MYO18A: variants seen among roughly 807,000 people sequenced by gnomAD.
MYO18A encodes myosin XVIIIA, also known as unconventional myosin-XVIIIa.
MYO18A carries 78 observed loss-of-function variants against 235.8 expected under a neutral mutation model. The observed-to-expected ratio is 0.33, with a 90% confidence interval of 0.28 to 0.40. The LOEUF (loss-of-function observed/expected upper bound fraction) is 0.40. Ranked by LOEUF, MYO18A falls within the 10% of genes least tolerant of loss-of-function variation. The pLI is 1.00. For missense variants in MYO18A, 2,215 were observed against 2,699.3 expected (o/e 0.82, Z 3.98); for synonymous variants, 977 against 1,077.8 (o/e 0.91, Z 1.83).
chr17:29,122,089 A>G lies in MYO18A; in HGVS notation c.1087+77T>C, dbSNP rs1344034180. 4 of 1,532,106 alleles carry G rather than the reference A, an allele frequency of 2.6e-6. No homozygotes were observed. In the African/African-American group the frequency reaches 4.1e-5, roughly 16 times the overall value. 94.9% of individuals were successfully genotyped at this position (1,532,106 alleles called of 1,614,324 possible). On this transcript the variant is annotated intron_variant, in intron 3 of 41. Transcript: ENST00000527372. ...TTGCTCACTGCTCAGCCCTCACCAG[A>G]TGCAGAAGGCACATTCGCTGCCCAG...
Position 29,094,059 on chromosome 17 carries a change from C to T in MYO18A, c.4742G>A (p.Arg1581Gln), listed in dbSNP as rs564026997. 12 of 1,611,386 alleles carry T rather than the reference C, an allele frequency of 7.4e-6. No homozygotes were observed. Among genetic ancestry groups the T allele is most frequent in the African/African-American group, 1.3e-5 (1 of 74,976 alleles). ...AKLRLEMEME[R>Q]MRQTHSKEME... The stretch of plus-strand genomic sequence containing the variant: ...CTCCTTAGAATGGGTCTGTCTCATC[C>T]GCTCCATCTCCATCTCCAGACGCAG... Residue 1581 changes from arginine to glutamine, a missense_variant, in exon 31 of 42, where the codon CGG (arginine) becomes CAG (glutamine). Arg to Gln is a conservative substitution (Grantham distance 43). Coordinates refer to ENST00000527372, the MANE Select transcript of MYO18A (RefSeq NM_078471.4).
intron 1 of MYO18A, 66 bp from the exon 2 acceptor site, chr17:29,167,087 C>T: frequency 1.7e-6 from 2 of 1,176,402 alleles, no homozygotes; most frequent in Non-Finnish European, 1.2e-6. Context: ...CCAGTCCAGA[C>T]ATAACCAAAT....
chr17:29,079,809 C>T (rs955890720), intron 41 of MYO18A: 4 of 985,992 alleles, frequency 4.1e-6, no homozygotes, highest in African/African-American at 3.5e-5. Context: ...CCTCCTTCCT[C>T]GACGGCCGGT....
chr17:29,103,504 T>C (rs2066706630), intron 21 of MYO18A, 95 bp downstream of exon 21: 1 of 1,246,668 alleles, frequency 8.0e-7, no homozygotes, highest in African/African-American at 1.5e-5. Flanking sequence ...AGACTGGTGA[T>C]GTCTGGCTGA....
At chr17:29,179,892 C>A (rs1332427060) in intron 1 of MYO18A, among the ~76,000 whole-genome samples, 1 of 152,132 alleles carries the variant, frequency 6.6e-6, no homozygotes, top group Non-Finnish European at 1.5e-5. Flanking sequence ...CTCAGCGCCC[C>A]GCTCTCTCGC....
At chr17:29,169,265 T>C (rs1023435949) in intron 1 of MYO18A, among the ~76,000 whole-genome samples, 6 of 152,214 alleles carry the variant, frequency 3.9e-5, no homozygotes, top group Middle Eastern at 3.4e-3. Context: ...TTAGCCAGGA[T>C]GGTCTCGATC....
In MYO18A at chr17:29,074,679, TG is replaced by T; in HGVS notation, c.*90del. The T allele has an allele frequency of 1.4e-6, 2 of 1,422,132 alleles. No homozygotes were observed. Among genetic ancestry groups the T allele is most frequent in the South Asian group, 1.2e-5 (1 of 82,302 alleles). The allele number at this position is 1,422,132 out of a possible 1,614,324, so 88.1% of individuals were successfully genotyped here. On this transcript the variant is annotated 3_prime_UTR_variant, in exon 42 of 42. Transcript: ENST00000527372. The surrounding 1 kb of genome is among the most constrained non-coding windows in gnomAD (Gnocchi z 4.4). Reference sequence around the variant, plus strand: ...TTTCCCATGCAGATCAGCAGTCGGGTGGGGGAGACCGGTGCCCCACCACTTC... The same window carrying T: ...TTTCCCATGCAGATCAGCAGTCGGGTGGGGAGACCGGTGCCCCACCACTTC...
chr17:29,081,219 A>AT (rs1233824645), intron 41 of MYO18A, among the ~76,000 whole-genome samples: 1 of 152,214 alleles, frequency 6.6e-6, no homozygotes, highest in Non-Finnish European at 1.5e-5. Flanking sequence ...GTCAGTGAAA[A>AT]TAGCTTCATG....
At chr17:29,116,401 A>G (rs1021602560) in intron 11 of MYO18A, 43 bp downstream of exon 11, 11 of 1,613,208 alleles carry the variant, frequency 6.8e-6, no homozygotes, top group African/African-American at 6.7e-5. Flanking sequence ...ACATGTGTCT[A>G]ATCACGGCAA....
chr17:29,132,578 A>G (rs890468892), intron 2 of MYO18A, among the ~76,000 whole-genome samples: 2 of 152,206 alleles, frequency 1.3e-5, no homozygotes, highest in African/African-American at 4.8e-5. Flanking sequence ...AGAATCATTT[A>G]CATGATCCAC....
intron 40 of MYO18A, among the ~76,000 whole-genome samples, chr17:29,083,296 A>G (rs145561764): frequency 5.8e-4 from 89 of 152,230 alleles, no homozygotes; most frequent in African/African-American, 2.1e-3. Flanking sequence ...AAGGAGTCCA[A>G]TTCTGAGGCT....
At chr17:29,139,587 T>C (rs1321244598) in intron 2 of MYO18A, among the ~76,000 whole-genome samples, 3 of 152,160 alleles carry the variant, frequency 2.0e-5, no homozygotes, top group Non-Finnish European at 4.4e-5. Flanking sequence ...TGCCAACTGC[T>C]GACACAACTG....
intron 41 of MYO18A, chr17:29,076,236 C>A (rs2065972784): frequency 1.3e-5 from 2 of 151,644 alleles, no homozygotes; most frequent in Admixed American, 6.6e-5. Flanking sequence ...GGATCTTCCC[C>A]AAGGCCACAC....
chr17:29,103,292 G>A (rs191686083), intron 21 of MYO18A, among the ~76,000 whole-genome samples: 3 of 152,310 alleles, frequency 2.0e-5, no homozygotes, highest in East Asian at 1.9e-4. Context: ...ACCAGGACTC[G>A]GGTCAAGTTC....
Position 29,151,093 on chromosome 17 carries a change from T to A in MYO18A, c.999+14849A>T, listed in dbSNP as rs181987155. The stretch of plus-strand genomic sequence containing the variant: ...TGAGACCCCGTCTCTACAAAAAAAA[T>A]TTTTTTTTAATTAGCCAAGTGTGGT... On this transcript the variant is annotated intron_variant, in intron 2 of 41. Coordinates refer to ENST00000527372, the MANE Select transcript of MYO18A (RefSeq NM_078471.4). 6.8e-3 allele frequency among the ~76,000 whole-genome samples: 1,025 copies of A among 151,474 alleles called. 13 individuals carry two copies. Among genetic ancestry groups the A allele is most frequent in the African/African-American group, 0.023 (955 of 41,284 alleles).
At chr17:29,167,049 G>A in intron 1 of MYO18A, 28 bp from the exon 2 acceptor site, 2 of 1,422,128 alleles carry the variant, frequency 1.4e-6, no homozygotes, top group Non-Finnish European at 1.8e-6. Flanking sequence ...CAGAGAGAAA[G>A]GTTATTCGAA....
intron 2 of MYO18A, among the ~76,000 whole-genome samples, chr17:29,152,954 A>G (rs2067989812): frequency 6.6e-6 from 1 of 152,084 alleles, no homozygotes. Context: ...GCCTCAAGAG[A>G]TCTTCCCATT....
chr17:29,074,760 C>T lies in MYO18A; in HGVS notation c.*10G>A. ...CCTGGGGTGAGAGGGCTGCCAACCA[C>T]TCCCCTGGGCTATGCGTTAGTCTCC... On this transcript the variant is annotated 3_prime_UTR_variant, in exon 42 of 42. Transcript: ENST00000527372. The surrounding 1 kb of genome is among the most constrained non-coding windows in gnomAD (Gnocchi z 4.4). 1 of 1,613,464 alleles carries T rather than the reference C, an allele frequency of 6.2e-7. No homozygotes were observed. Among genetic ancestry groups the T allele is most frequent in the Non-Finnish European group, 8.5e-7 (1 of 1,179,474 alleles).
At position 29,110,009 on chromosome 17, in the gene MYO18A, G is replaced by A. The variant is rs774174449; in HGVS notation, c.3180C>T (p.Ser1060=). ...VAEGWAGEPR[S]ASSRRVSSSS... ...TGCTGCTGACTCGGCGGGAGGAGGC[G>A]GAACGGGGCTCCCCAGCCCAGCCCT... Residue 1060 remains serine, a synonymous_variant, in exon 19 of 42, where the codon TCC becomes TCT. Transcript: ENST00000527372. 2.7e-5 allele frequency: 44 copies of A among 1,612,588 alleles called. No individual in the cohort carries two copies. The highest frequency in any genetic ancestry group is 1.0e-4 in the Admixed American group (6 of 59,920).
Sources: gnomAD v4.1 joint callset for allele counts (sites outside exome capture counted in the v4.1 genomes callset) on GRCh38, gnomAD v4.1.1 for gene constraint, Gnocchi (gnomAD v3.1) non-coding constraint, MANE v1.5 for transcripts, NCBI Gene and HGNC (gene_info 2026-07-23, HGNC 2026-07-21) for gene names.